The following AFG2A variants were observed in gnomAD, a reference collection of about 807,000 sequenced individuals.
AFG2A encodes ATPase family gene 2 protein homolog A.
chr4:123,186,520 A>G, the AFG2A span, among the ~76,000 whole-genome samples: 1 of 152,198 alleles, frequency 6.6e-6, no homozygotes, highest in Non-Finnish European at 1.5e-5. Context: ...CTTAAAAGGT[A>G]GGAAATGCTC....
chr4:123,022,872 C>G, the AFG2A span, among the ~76,000 whole-genome samples: 2 of 151,970 alleles, frequency 1.3e-5, no homozygotes, highest in South Asian at 2.1e-4. Flanking sequence ...ATGATGAGTT[C>G]ATGTCCTTTG....
chr4:123,001,273 T>A, the AFG2A span, among the ~76,000 whole-genome samples: 1 of 152,232 alleles, frequency 6.6e-6, no homozygotes, highest in Non-Finnish European at 1.5e-5. Flanking sequence ...TTCATTAATG[T>A]TTTGAAGGGT....
At chr4:123,265,521 T>A in the AFG2A span, among the ~76,000 whole-genome samples, 1 of 152,150 alleles carries the variant, frequency 6.6e-6, no homozygotes, top group Non-Finnish European at 1.5e-5. Flanking sequence ...TTAGATAGGA[T>A]GTTTACACCA....
the AFG2A span, among the ~76,000 whole-genome samples, chr4:123,151,060 A>G: frequency 1.3e-3 from 205 of 152,358 alleles, 1 homozygote; most frequent in African/African-American, 4.8e-3. Context: ...AAAACTGGCT[A>G]GCTATATGCA....
At chr4:123,238,640 A>G in the AFG2A span, among the ~76,000 whole-genome samples, 1 of 152,348 alleles carries the variant, frequency 6.6e-6, no homozygotes, top group East Asian at 1.9e-4. Context: ...TAGCATCAAC[A>G]TCAACAGAAA....
the AFG2A span, among the ~76,000 whole-genome samples, chr4:123,119,400 G>T: frequency 6.6e-6 from 1 of 152,094 alleles, no homozygotes; most frequent in Non-Finnish European, 1.5e-5. Context: ...AGGAGGGTGC[G>T]CATAGCAGAG....
At chr4:122,939,031 A>C in the AFG2A span, among the ~76,000 whole-genome samples, 2 of 151,170 alleles carry the variant, frequency 1.3e-5, no homozygotes, top group African/African-American at 4.9e-5. Flanking sequence ...TTAAAAAAAA[A>C]CTTATTCATA....
the AFG2A span, among the ~76,000 whole-genome samples, chr4:123,036,830 G>C: frequency 1.3e-5 from 2 of 151,884 alleles, no homozygotes; most frequent in Non-Finnish European, 2.9e-5. Context: ...TGCATTTCAG[G>C]GTTTTTACTT....
chr4:123,293,528 G>A, the AFG2A span, among the ~76,000 whole-genome samples: 1 of 152,126 alleles, frequency 6.6e-6, no homozygotes, highest in Admixed American at 6.5e-5. Flanking sequence ...TGTGGGGGCT[G>A]CCACAATCCA....
chr4:123,169,605 A>G, the AFG2A span, among the ~76,000 whole-genome samples: 9 of 152,124 alleles, frequency 5.9e-5, no homozygotes, highest in Non-Finnish European at 1.3e-4. Context: ...CAGCCTCCCA[A>G]GTAGCTGGGA....
chr4:123,027,925 CTCAA>C, the AFG2A span, among the ~76,000 whole-genome samples: 3 of 151,670 alleles, frequency 2.0e-5, no homozygotes, highest in Admixed American at 1.3e-4. Context: ...TTACGATATG[CTCAA>C]TCATTTAAAC....
the AFG2A span, among the ~76,000 whole-genome samples, chr4:123,207,940 C>G: frequency 6.6e-6 from 1 of 152,026 alleles, no homozygotes; most frequent in Non-Finnish European, 1.5e-5. Flanking sequence ...ATTCTCAAAC[C>G]CATATGGAAT....
chr4:123,039,024 T>C, the AFG2A span, among the ~76,000 whole-genome samples: 1 of 152,062 alleles, frequency 6.6e-6, no homozygotes, highest in African/African-American at 2.4e-5. Context: ...GATACCAAGA[T>C]ATTGACATTG....
the AFG2A span, among the ~76,000 whole-genome samples, chr4:122,941,259 C>T: frequency 6.6e-6 from 1 of 151,518 alleles, no homozygotes; most frequent in African/African-American, 2.4e-5. Context: ...TTCTTCCTAC[C>T]CATGAGCATG....
the AFG2A span, among the ~76,000 whole-genome samples, chr4:123,183,479 C>T: frequency 6.6e-6 from 1 of 152,082 alleles, no homozygotes; most frequent in Non-Finnish European, 1.5e-5. Context: ...TATTTCATGA[C>T]AGTCTCAAAT....
At chr4:122,943,005 T>A in the AFG2A span, among the ~76,000 whole-genome samples, 129 of 152,216 alleles carry the variant, frequency 8.5e-4, no homozygotes, top group African/African-American at 3.1e-3. Context: ...AGAGACAGTT[T>A]GTTATAATTT....
the AFG2A span, among the ~76,000 whole-genome samples, chr4:123,150,665 A>G: frequency 6.6e-6 from 1 of 152,232 alleles, no homozygotes; most frequent in Non-Finnish European, 1.5e-5. Context: ...GATATGAAGA[A>G]TCAATATCAT....
chr4:123,187,317 A>G, the AFG2A span, among the ~76,000 whole-genome samples: 2 of 152,168 alleles, frequency 1.3e-5, no homozygotes, highest in South Asian at 4.1e-4. Context: ...GTTTGCATCA[A>G]CTTGAATCTT....
chr4:123,123,969 A>G, the AFG2A span, among the ~76,000 whole-genome samples: 1 of 150,058 alleles, frequency 6.7e-6, no homozygotes, highest in African/African-American at 2.4e-5. Flanking sequence ...AAAAAAAAAA[A>G]AAAAAAAGTC....
Sources: gnomAD v4.1 joint callset for allele counts (sites outside exome capture counted in the v4.1 genomes callset) on GRCh38, gnomAD v4.1.1 for gene constraint, MANE v1.5 for transcripts, NCBI Gene and HGNC (gene_info 2026-07-23, HGNC 2026-07-21) for gene names.